The following AKAP19 variants were observed in gnomAD, a reference collection of about 807,000 sequenced individuals.
AKAP19 encodes A-kinase anchoring protein 19.
At chr2:190,068,064 C>T in the AKAP19 span, among the ~76,000 whole-genome samples, 2 of 151,878 alleles carry the variant, frequency 1.3e-5, no homozygotes, top group African/African-American at 4.8e-5. Context: ...TAGCTGGGTG[C>T]GGTGGCGTGA....
At chr2:190,067,689 A>C in the AKAP19 span, among the ~76,000 whole-genome samples, 1 of 152,162 alleles carries the variant, frequency 6.6e-6, no homozygotes, top group African/African-American at 2.4e-5. Flanking sequence ...GACTGTATTC[A>C]TACTCTGGCA....
chr2:189,958,743 ACC>A, the AKAP19 span, among the ~76,000 whole-genome samples: 1 of 152,072 alleles, frequency 6.6e-6, no homozygotes, highest in East Asian at 1.9e-4. Context: ...ATATTGTGAT[ACC>A]TTTATATAAT....
At chr2:189,999,573 G>A in the AKAP19 span, among the ~76,000 whole-genome samples, 148,937 of 152,328 alleles carry the variant, frequency 0.98, 72,871 homozygotes, top group South Asian at 1. Context: ...AGCCTGAAGG[G>A]CTTTCTTTAG....
chr2:190,038,655 C>T, the AKAP19 span, among the ~76,000 whole-genome samples: 42 of 152,316 alleles, frequency 2.8e-4, no homozygotes, highest in African/African-American at 1.0e-3. Flanking sequence ...CTCCCTCTCA[C>T]TTTCTCCAAC....
chr2:190,138,880 C>T, the AKAP19 span, among the ~76,000 whole-genome samples: 3 of 152,170 alleles, frequency 2.0e-5, no homozygotes, highest in African/African-American at 4.8e-5. Context: ...AGGATTTGGA[C>T]GTAGACCCTT....
At chr2:189,914,903 C>T in the AKAP19 span, among the ~76,000 whole-genome samples, 1 of 152,074 alleles carries the variant, frequency 6.6e-6, no homozygotes, top group East Asian at 1.9e-4. Context: ...CAGGCATTTT[C>T]ACTCTCAAGC....
the AKAP19 span, among the ~76,000 whole-genome samples, chr2:190,143,057 T>G: frequency 1.3e-5 from 2 of 151,272 alleles, no homozygotes; most frequent in Admixed American, 6.6e-5. Context: ...GGGGCGGGGG[T>G]GTGTGATTTA....
At chr2:189,953,005 TAGG>T in the AKAP19 span, among the ~76,000 whole-genome samples, 1 of 152,102 alleles carries the variant, frequency 6.6e-6, no homozygotes, top group Admixed American at 6.6e-5. Context: ...AAATTAAAAA[TAGG>T]AGGTCAGGTG....
At chr2:189,984,860 C>T in the AKAP19 span, among the ~76,000 whole-genome samples, 45 of 152,030 alleles carry the variant, frequency 3.0e-4, no homozygotes, top group African/African-American at 4.6e-4. Flanking sequence ...TCTAGTGGTG[C>T]GATGACGCAA....
At chr2:189,949,461 G>A in the AKAP19 span, among the ~76,000 whole-genome samples, 1 of 148,928 alleles carries the variant, frequency 6.7e-6, no homozygotes, top group East Asian at 2.0e-4. Flanking sequence ...GCTGGGATCA[G>A]GCTACTGCAC....
chr2:189,923,419 C>T, the AKAP19 span: 3 of 1,613,728 alleles, frequency 1.9e-6, no homozygotes, highest in East Asian at 6.7e-5. Context: ...CTCTTGTGGT[C>T]AAGAAATCTG....
chr2:189,984,611 A>G, the AKAP19 span, among the ~76,000 whole-genome samples: 1 of 152,226 alleles, frequency 6.6e-6, no homozygotes, highest in African/African-American at 2.4e-5. Context: ...TTAAGAGATT[A>G]AAGTAAAGAC....
the AKAP19 span, among the ~76,000 whole-genome samples, chr2:190,093,356 C>T: frequency 6.6e-6 from 1 of 151,990 alleles, no homozygotes; most frequent in Non-Finnish European, 1.5e-5. Context: ...TCTCTTGAAC[C>T]TGGGAGGTAG....
At chr2:190,103,622 T>A in the AKAP19 span, among the ~76,000 whole-genome samples, 4 of 152,180 alleles carry the variant, frequency 2.6e-5, no homozygotes, top group South Asian at 8.3e-4. Flanking sequence ...TACGAATACA[T>A]CTAACCAAGG....
At chr2:189,914,246 A>G in the AKAP19 span, among the ~76,000 whole-genome samples, 4 of 152,136 alleles carry the variant, frequency 2.6e-5, no homozygotes, top group Non-Finnish European at 4.4e-5. Context: ...TTAGAGATCT[A>G]GTTTCTAATC....
At chr2:190,048,050 T>C in the AKAP19 span, among the ~76,000 whole-genome samples, 1 of 152,204 alleles carries the variant, frequency 6.6e-6, no homozygotes, top group African/African-American at 2.4e-5. Flanking sequence ...TTGCAACTAG[T>C]TATTTCTGAC....
At chr2:189,880,147 T>C in the AKAP19 span, among the ~76,000 whole-genome samples, 247 of 152,316 alleles carry the variant, frequency 1.6e-3, 3 homozygotes, top group African/African-American at 5.6e-3. Flanking sequence ...AGCCCGCATT[T>C]CTCAACTAAA....
chr2:190,024,525 A>G, the AKAP19 span, among the ~76,000 whole-genome samples: 2 of 152,052 alleles, frequency 1.3e-5, no homozygotes, highest in Non-Finnish European at 2.9e-5. Flanking sequence ...ATACAATGCT[A>G]AACTGTGCTG....
At chr2:189,888,662 T>C in the AKAP19 span, among the ~76,000 whole-genome samples, 7 of 151,980 alleles carry the variant, frequency 4.6e-5, no homozygotes, top group African/African-American at 1.2e-4. Flanking sequence ...TTCACATCCC[T>C]TGTAAGTTGT....
Sources: gnomAD v4.1 joint callset for allele counts (sites outside exome capture counted in the v4.1 genomes callset) on GRCh38, gnomAD v4.1.1 for gene constraint, MANE v1.5 for transcripts, NCBI Gene and HGNC (gene_info 2026-07-23, HGNC 2026-07-21) for gene names.